ASIC2: variants seen among roughly 807,000 people sequenced by gnomAD.
The protein encoded by ASIC2 is acid sensing ion channel subunit 2.
In ASIC2, 25 loss-of-function variants were observed where a neutral mutation model predicts 57.3. The observed-to-expected ratio is 0.44, with a 90% CI of 0.32 to 0.61. The LOEUF (loss-of-function observed/expected upper bound fraction) is 0.61. ASIC2 is among the 20% of genes least tolerant of loss of function. The pLI, the probability that ASIC2 is intolerant of heterozygous loss-of-function variation, is 0.06. For synonymous variants in ASIC2, 319 were observed against 307.5 expected (o/e 1.04, Z -0.39); for missense variants, 641 against 738.1 (o/e 0.87, Z 1.52).
chr17:33,951,584 CT>C (rs71147408), intron 1 of ASIC2, among the ~76,000 whole-genome samples: 2,315 of 151,194 alleles, frequency 0.015, 76 homozygotes, highest in African/African-American at 0.053. Flanking sequence ...TTTTTCTTTT[CT>C]TTTTTTCTTT....
intron 1 of ASIC2, among the ~76,000 whole-genome samples, chr17:33,791,536 CA>C (rs1210017697): frequency 1.3e-5 from 2 of 152,040 alleles, no homozygotes; most frequent in Non-Finnish European, 2.9e-5. Flanking sequence ...GAGGGAGAGA[CA>C]AATTTGACAC....
intron 1 of ASIC2, among the ~76,000 whole-genome samples, chr17:33,518,826 CT>C (rs550019500): frequency 6.6e-4 from 96 of 146,358 alleles, no homozygotes; most frequent in Middle Eastern, 3.5e-3. Flanking sequence ...GATAACTACT[CT>C]TTTTTTTTTT....
chr17:33,349,450 G>A (rs950692934), intron 1 of ASIC2, among the ~76,000 whole-genome samples: 9 of 152,102 alleles, frequency 5.9e-5, no homozygotes, highest in Admixed American at 2.0e-4. Flanking sequence ...GTCACCATTC[G>A]TAAGGCACCT....
intron 1 of ASIC2, among the ~76,000 whole-genome samples, chr17:33,218,269 G>T (rs1431503397): frequency 6.6e-6 from 1 of 152,144 alleles, no homozygotes; most frequent in Non-Finnish European, 1.5e-5. Context: ...TCTGATGGTG[G>T]CTTCCTGATG....
intron 1 of ASIC2, among the ~76,000 whole-genome samples, chr17:33,986,822 T>C (rs1905835521): frequency 6.6e-6 from 1 of 152,098 alleles, no homozygotes; most frequent in Non-Finnish European, 1.5e-5. Flanking sequence ...GAGCTGGGAT[T>C]TGGATAAAGG....
At chr17:33,825,334 C>A (rs1446165656) in intron 1 of ASIC2, among the ~76,000 whole-genome samples, 1 of 152,092 alleles carries the variant, frequency 6.6e-6, no homozygotes, top group African/African-American at 2.4e-5. Flanking sequence ...CGGTGGGGTG[C>A]TACCTAAAAA....
At chr17:33,321,054 G>A (rs949662943) in intron 1 of ASIC2, among the ~76,000 whole-genome samples, 2 of 152,100 alleles carry the variant, frequency 1.3e-5, no homozygotes, top group Non-Finnish European at 2.9e-5. Context: ...CAAGGCTTTC[G>A]GTGAACATAT....
intron 1 of ASIC2, among the ~76,000 whole-genome samples, chr17:33,458,539 A>G (rs1239517223): frequency 6.6e-6 from 1 of 152,174 alleles, no homozygotes; most frequent in Non-Finnish European, 1.5e-5. Flanking sequence ...TTCTGACTGT[A>G]TGATTTTGGC....
intron 1 of ASIC2, among the ~76,000 whole-genome samples, chr17:33,290,330 T>C (rs115358754): frequency 6.6e-6 from 1 of 152,148 alleles, no homozygotes; most frequent in Admixed American, 6.5e-5. Context: ...TCAGATCTGG[T>C]AAAATCACCA....
intron 1 of ASIC2, among the ~76,000 whole-genome samples, chr17:33,962,104 C>T (rs911264366): frequency 5.9e-5 from 9 of 152,288 alleles, no homozygotes; most frequent in African/African-American, 2.2e-4. Context: ...AGAATGCAAG[C>T]CCATGAACAA....
chr17:33,169,211 T>C (rs992892263), intron 1 of ASIC2, among the ~76,000 whole-genome samples: 4 of 152,180 alleles, frequency 2.6e-5, no homozygotes, highest in Non-Finnish European at 5.9e-5. Flanking sequence ...GTAGTGTCCA[T>C]ACGGTGTGAA....
chr17:34,051,481 T>C (rs1908552469), intron 1 of ASIC2, among the ~76,000 whole-genome samples: 1 of 152,228 alleles, frequency 6.6e-6, no homozygotes, highest in Non-Finnish European at 1.5e-5. Flanking sequence ...AAAATGTGTA[T>C]GAAATTGCCT....
intron 1 of ASIC2, among the ~76,000 whole-genome samples, chr17:33,581,814 C>T (rs1448532570): frequency 6.6e-6 from 1 of 152,212 alleles, no homozygotes; most frequent in Admixed American, 6.5e-5. Context: ...CCATCTGAGA[C>T]ATTGAGTAGC....
At position 33,275,033 on chromosome 17, in the gene ASIC2, G is replaced by A. The variant is rs1024255015; in HGVS notation, c.708+16375C>T. ...CACCAGAACCTCATGCCCCTAGAGA[G>A]AGCTCAGGGTACCTGGGAGGCCCAG... On this transcript the variant is annotated intron_variant, in intron 1 of 9. Coordinates refer to ENST00000225823, the MANE Select transcript of ASIC2 (RefSeq NM_183377.2). 5.3e-5 allele frequency among the ~76,000 whole-genome samples: 8 copies of A among 152,128 alleles called. No individual in the cohort carries two copies. The South Asian group carries it at 1.7e-3, about 32-fold the overall frequency.
intron 1 of ASIC2, among the ~76,000 whole-genome samples, chr17:33,719,872 C>T (rs1255507582): frequency 2.0e-5 from 3 of 152,092 alleles, no homozygotes; most frequent in African/African-American, 7.2e-5. Flanking sequence ...TCCAGGCAGG[C>T]CAAGGGAAAC....
At chr17:34,088,658 G>C (rs866375378) in intron 1 of ASIC2, among the ~76,000 whole-genome samples, 2 of 152,220 alleles carry the variant, frequency 1.3e-5, no homozygotes, top group East Asian at 3.8e-4. Flanking sequence ...TACAGAGGCA[G>C]GCAGGCCTCC....
intron 6 of ASIC2, among the ~76,000 whole-genome samples, chr17:33,022,340 CGTT>C (rs2091839682): frequency 1.3e-5 from 2 of 152,176 alleles, no homozygotes; most frequent in Admixed American, 1.3e-4. Context: ...TTCAAATGCT[CGTT>C]GGCCACATGT....
At chr17:33,350,397 T>C (rs1054345635) in intron 1 of ASIC2, among the ~76,000 whole-genome samples, 2 of 152,100 alleles carry the variant, frequency 1.3e-5, no homozygotes, top group Admixed American at 1.3e-4. Flanking sequence ...ACTTAATCAC[T>C]GGCCAGGCAC....
Position 33,112,029 on chromosome 17 carries a change from T to C in ASIC2, c.747A>G (p.Ser249=). ...TGAGCAGAGGTTTGCCATCCTCGCC[T>C]GAGTTAAACATGTAACACTTCCCAT... ...TKYGKCYMFN[S]GEDGKPLLTT... is the part of the protein sequence containing the mutation. Residue 249 remains serine (S), a synonymous_variant, in exon 2 of 10, where the codon TCA becomes TCG. Coordinates refer to ENST00000225823, the MANE Select transcript of ASIC2 (RefSeq NM_183377.2). The C allele has an allele frequency of 1.1e-5, 17 of 1,614,006 alleles. No individual in the cohort carries two copies. Among genetic ancestry groups the C allele is most frequent in the Non-Finnish European group, 1.3e-5 (15 of 1,179,976 alleles).
Sources: allele counts gnomAD v4.1 joint callset (sites outside exome capture counted in the v4.1 genomes callset), GRCh38; gene constraint gnomAD v4.1.1; transcripts MANE v1.5; gene names NCBI Gene and HGNC (gene_info 2026-07-23, HGNC 2026-07-21).